LANCL2: variants seen among roughly 807,000 people sequenced by gnomAD.
LANCL2 encodes LanC like glutathione S-transferase 2, also known as lanC-like protein 2.
Under a neutral mutation model 56.9 loss-of-function variants are expected in LANCL2, and 33 were observed. The observed-to-expected ratio is 0.58, with a 90% CI of 0.44 to 0.78. LANCL2 has a LOEUF of 0.78. Among genes scored for constraint, LANCL2 ranks in the 30% least tolerant of loss-of-function variants. The pLI is 0.00. For synonymous variants in LANCL2, 233 were observed against 228.2 expected, an observed-to-expected ratio of 1.02 and a Z score of -0.19; for missense variants, 562 against 580.2, an observed-to-expected ratio of 0.97 and a Z score of 0.32.
intron 2 of LANCL2, among the ~76,000 whole-genome samples, chr7:55,394,361 C>T (rs1238926929): frequency 3.3e-5 from 5 of 152,056 alleles, no homozygotes; most frequent in Non-Finnish European, 1.5e-5. Flanking sequence ...GGTTTGAGGC[C>T]AGGAGTTTGA....
chr7:55,421,801 C>A (rs815970), intron 6 of LANCL2, among the ~76,000 whole-genome samples: 135,044 of 152,210 alleles, frequency 0.89, 60,257 homozygotes, highest in African/African-American at 0.95. Flanking sequence ...GGTTCTGCTT[C>A]CTCCAGAGCT....
chr7:55,380,818 G>A (rs969450445), intron 1 of LANCL2, among the ~76,000 whole-genome samples: 1 of 151,580 alleles, frequency 6.6e-6, no homozygotes, highest in Non-Finnish European at 1.5e-5. Context: ...GGAGGAGGAG[G>A]GAGGTTCTAT....
At chr7:55,390,234 A>G (rs938333434) in intron 1 of LANCL2, among the ~76,000 whole-genome samples, 2 of 152,164 alleles carry the variant, frequency 1.3e-5, no homozygotes, top group African/African-American at 2.4e-5. Context: ...AAAAAGAGAG[A>G]GAGAGTTAAA....
chr7:55,382,861 G>T (rs1277249171), intron 1 of LANCL2, among the ~76,000 whole-genome samples: 1 of 152,216 alleles, frequency 6.6e-6, no homozygotes, highest in African/African-American at 2.4e-5. Context: ...TTCTAATCTT[G>T]TGGCTAATTT....
At chr7:55,398,293 GTT>G (rs1790279403) in intron 2 of LANCL2, 128 bp from the exon 3 acceptor site, 1 of 662,942 alleles carries the variant, frequency 1.5e-6, no homozygotes, top group Non-Finnish European at 2.6e-6. Context: ...GAAATGTATT[GTT>G]TTGGTGTTAC....
intron 1 of LANCL2, among the ~76,000 whole-genome samples, chr7:55,381,170 C>T (rs571523623): frequency 2.6e-5 from 4 of 151,848 alleles, no homozygotes; most frequent in South Asian, 4.2e-4. Flanking sequence ...CATATCTGGG[C>T]GGAGGAGTGA....
chr7:55,414,995 AAAAAAAG>A lies in LANCL2; in HGVS notation c.1008+2911_1008+2917del, dbSNP rs1428658320. On this transcript the variant is annotated intron_variant, in intron 6 of 8. Transcript: ENST00000254770. ...CAAGACCCTACCTCAAAAAAAAAAAAAAAAAAGAAAAGAAAAGAAAAAGGCAAGGTTT... is the reference window on the plus strand; with the variant it reads ...CAAGACCCTACCTCAAAAAAAAAAAAAAAAGAAAAGAAAAAGGCAAGGTTT... 5.0e-4 allele frequency among the ~76,000 whole-genome samples: 73 copies of A among 146,538 alleles called. 1 individual carries two copies. Among genetic ancestry groups the A allele is most frequent in the African/African-American group, 1.7e-3 (65 of 38,754 alleles).
At chr7:55,407,830 G>T (rs962572733) in intron 5 of LANCL2, among the ~76,000 whole-genome samples, 1 of 152,192 alleles carries the variant, frequency 6.6e-6, no homozygotes, top group Admixed American at 6.5e-5. Flanking sequence ...TACACATCCC[G>T]TTGGTCTACT....
intron 7 of LANCL2, among the ~76,000 whole-genome samples, chr7:55,427,900 A>AAGC (rs1257425650): frequency 2.0e-5 from 3 of 152,206 alleles, no homozygotes; most frequent in African/African-American, 4.8e-5. Flanking sequence ...AGAGGCTGCC[A>AAGC]AGCAGCAGCA....
intron 3 of LANCL2, among the ~76,000 whole-genome samples, 181 bp from the exon 4 acceptor site, chr7:55,399,776 A>C (rs1790299679): frequency 6.6e-6 from 1 of 152,216 alleles, no homozygotes; most frequent in East Asian, 1.9e-4. Context: ...TTTGACATTC[A>C]AAAGGGGACT....
In LANCL2 at chr7:55,365,380, A is replaced by G. The variant is rs543454650; in HGVS notation, c.-646A>G. 1 of 152,298 alleles carries G rather than the reference A, an allele frequency of 6.6e-6. No homozygotes were observed. The highest frequency in any genetic ancestry group is 1.5e-5 in the Non-Finnish European group (1 of 68,010). 9.4% of individuals were successfully genotyped at this position (152,298 alleles called of 1,614,324 possible). A position where few individuals can be genotyped will look rare whatever the true frequency, so the allele number is the denominator to read the frequency against. On this transcript the variant is annotated 5_prime_UTR_variant, in exon 1 of 9. Coordinates refer to ENST00000254770, the MANE Select transcript of LANCL2 (RefSeq NM_018697.4). Reference sequence around the variant, plus strand: ...TTGCAGTGTTTTAGACTGTTTTGAAATTCTGTTCTTTAGAAGAGATTTTTT... The same window carrying G: ...TTGCAGTGTTTTAGACTGTTTTGAAGTTCTGTTCTTTAGAAGAGATTTTTT...
At chr7:55,409,929 T>G (rs1004758376) in intron 5 of LANCL2, among the ~76,000 whole-genome samples, 20 of 152,198 alleles carry the variant, frequency 1.3e-4, no homozygotes, top group Non-Finnish European at 2.4e-4. Context: ...ATTTGCATAG[T>G]ATAGTCTGTA....
At chr7:55,377,045 C>A (rs1249726431) in intron 1 of LANCL2, among the ~76,000 whole-genome samples, 1 of 152,052 alleles carries the variant, frequency 6.6e-6, no homozygotes, top group Non-Finnish European at 1.5e-5. Flanking sequence ...ACGCTTCATG[C>A]CAAGATAAAG....
At chr7:55,397,753 T>C (rs923109295) in intron 2 of LANCL2, among the ~76,000 whole-genome samples, 5 of 151,512 alleles carry the variant, frequency 3.3e-5, no homozygotes, top group African/African-American at 1.2e-4. Flanking sequence ...GGCCCTTCTT[T>C]GGAGATTCTC....
chr7:55,423,166 G>A (rs1364152499), intron 6 of LANCL2, among the ~76,000 whole-genome samples: 1 of 152,224 alleles, frequency 6.6e-6, no homozygotes, highest in African/African-American at 2.4e-5. Flanking sequence ...TTTTTCTATA[G>A]TTCTGAATTC....
chr7:55,403,576 T>TG (rs1317109570), intron 5 of LANCL2, among the ~76,000 whole-genome samples: 2 of 140,932 alleles, frequency 1.4e-5, no homozygotes, highest in African/African-American at 5.2e-5. Flanking sequence ...GTTGTTTTTT[T>TG]TTTTTTTTTT....
chr7:55,399,359 C>A (rs147080777), intron 3 of LANCL2, among the ~76,000 whole-genome samples: 2 of 105,162 alleles, frequency 1.9e-5, no homozygotes, highest in Admixed American at 1.1e-4. Flanking sequence ...TTTTTTTTTT[C>A]TGAGATGGAA....
chr7:55,424,252 G>A (rs1476276237), intron 6 of LANCL2, among the ~76,000 whole-genome samples: 2 of 152,212 alleles, frequency 1.3e-5, no homozygotes, highest in African/African-American at 4.8e-5. Context: ...ATCTCAGGAA[G>A]TGAAAACCCA....
At chr7:55,428,728 T>A (rs1790695854) in intron 8 of LANCL2, among the ~76,000 whole-genome samples, 1 of 152,172 alleles carries the variant, frequency 6.6e-6, no homozygotes, top group African/African-American at 2.4e-5. Flanking sequence ...AGAAATAGTT[T>A]ACTCCTCTGC....
Sources: allele counts gnomAD v4.1 joint callset (sites outside exome capture counted in the v4.1 genomes callset), GRCh38; gene constraint gnomAD v4.1.1; transcripts MANE v1.5; gene names NCBI Gene and HGNC (gene_info 2026-07-23, HGNC 2026-07-21).